Variants in CD93 observed in about 807,000 individuals in gnomAD.
The protein encoded by CD93 is complement component C1q receptor.
A neutral mutation model predicts 45.5 loss-of-function variants in CD93; 44 were observed. That is an observed-to-expected ratio of 0.97 (90% CI 0.76 to 1.24). The LOEUF is 1.24. CD93 is among the 50% of genes most tolerant of loss of function. CD93 has a pLI of 0.00. For synonymous variants in CD93, 431 were observed against 370.8 expected (o/e 1.16, Z -1.87); for missense variants, 918 against 844.5 (o/e 1.09, Z -1.08).
rs1985448836 is a variant in CD93, at chr20:23,085,103, C to G, written c.1090G>C (p.Gly364Arg). ...CCAACCCAGCATTCGCAGCGGAAGC[C>G]CCCAGGGGTGTTGACACACTCCTGG... ...CAQECVNTPGGFRCECWVGYE... is the reference protein window; with the variant it reads ...CAQECVNTPGRFRCECWVGYE... The change falls in exon 1 of 2, where the codon GGC becomes CGC. Residue 364 changes from glycine to arginine, a missense_variant. Coordinates refer to ENST00000246006, the MANE Select transcript of CD93 (RefSeq NM_012072.4). 6.2e-7 allele frequency: 1 copy of G among 1,602,554 alleles called. No homozygotes were observed. The highest frequency in any genetic ancestry group is 8.5e-7 in the Non-Finnish European group (1 of 1,173,590).
In CD93 at chr20:23,083,691, G is replaced by T; in HGVS notation, c.*259C>A. On this transcript the variant is annotated 3_prime_UTR_variant, in exon 2 of 2. Transcript: ENST00000246006. ...ATTGGTCACATTGGAATTTGAAAAG[G>T]GAGGGGGAGTAACAATCATTATAGA... is the stretch of plus-strand genomic sequence containing the variant. The T allele has an allele frequency of 1.8e-6, 1 of 557,654 alleles. No homozygotes were observed. The allele number at this position is 557,654 out of a possible 1,614,324, so 34.5% of individuals were successfully genotyped here.
chr20:23,084,684 T>C lies in CD93; in HGVS notation c.1509A>G (p.Thr503=), dbSNP rs750329928. Residue 503 remains threonine, a synonymous_variant, in exon 1 of 2, where the codon ACA becomes ACG. Coordinates refer to ENST00000246006, the MANE Select transcript of CD93 (RefSeq NM_012072.4). ...TVPRAATASP[T]RGPEGTPKAT... ...CCTTGGGGGTGCCCTCGGGGCCCCT[T>C]GTGGGACTGGCTGTTGCAGCACGGG... is the stretch of plus-strand genomic sequence containing the variant. 6.9e-6 allele frequency: 11 copies of C among 1,585,748 alleles called. No homozygotes were observed.
chr20:23,085,842 C>CCCCCCCCCCCA lies in CD93; in HGVS notation c.350_351insTGGGGGGGGGG (p.Glu121GlyfsTer83). 1 of 1,592,240 alleles carries CCCCCCCCCCCA rather than the reference C, an allele frequency of 6.3e-7. No homozygotes were observed. ...AGTAAGGCGTGTCCTCCCCCCCGCCCACCCAGCTGAAGCCCTTCAGCGGCA... is the reference window on the plus strand; with the variant it reads ...AGTAAGGCGTGTCCTCCCCCCCGCCCCCCCCCCCCCAACCCAGCTGAAGCCCTTCAGCGGCA... On this transcript the variant is annotated frameshift_variant, in exon 1 of 2. Coordinates refer to ENST00000246006, the MANE Select transcript of CD93 (RefSeq NM_012072.4). LOFTEE classifies it high-confidence loss of function.
Position 23,084,810 on chromosome 20 carries a change from G to T in CD93, c.1383C>A (p.Ala461=), listed in dbSNP as rs768565372. 3.3e-5 allele frequency: 54 copies of T among 1,613,338 alleles called. No individual in the cohort carries two copies. The South Asian group carries it at 5.4e-4, about 16-fold the overall frequency. The change falls in exon 1 of 2, where the codon GCC becomes GCA. Residue 461 remains alanine (A), a synonymous_variant. Transcript: ENST00000246006. Reference sequence around the variant, plus strand: ...CCATGGTGCAAGAGACCCCATTTGGGGCCAGCACCCAGCCTGGCAGGCAGC... The same window carrying T: ...CCATGGTGCAAGAGACCCCATTTGGTGCCAGCACCCAGCCTGGCAGGCAGC... ...HCGCLPGWVL[A]PNGVSCTMGP...
Position 23,085,471 on chromosome 20 carries a change from T to A in CD93, c.722A>T (p.Lys241Met). The change falls in exon 1 of 2, where the codon AAG (lysine) becomes ATG (methionine). Residue 241 changes from lysine (K) to methionine (M), a missense_variant. Coordinates refer to ENST00000246006, the MANE Select transcript of CD93 (RefSeq NM_012072.4). The stretch of plus-strand genomic sequence containing the variant: ...GTCGAACACATCGGGGGCCTTCTCC[T>A]TGCACAGGAAATAATGACTCTGAGT... Reference protein sequence around the residue: ...DETQSHYFLCKEKAPDVFDWG... With the variant: ...DETQSHYFLCMEKAPDVFDWG... The A allele has an allele frequency of 6.2e-7, 1 of 1,613,898 alleles. No individual in the cohort carries two copies. Among genetic ancestry groups the A allele is most frequent in the Non-Finnish European group, 8.5e-7 (1 of 1,180,026 alleles).
At position 23,084,270 on chromosome 20, in the gene CD93, C is replaced by A. The variant is rs762840267; in HGVS notation, c.1923G>T (p.Glu641Asp). Residue 641 changes from glutamate to aspartate, a missense_variant, in exon 1 of 2, where the codon GAG becomes GAT. By Grantham distance (45) the Glu-to-Asp change is conservative. Coordinates refer to ENST00000246006, the MANE Select transcript of CD93 (RefSeq NM_012072.4). ...VPERAESRAM[E>D]NQYSPTPGTD... The stretch of plus-strand genomic sequence containing the variant: ...AGGGCCCCCTTTACCTGTACTGGTT[C>A]TCCATGGCCCTGCTCTCAGCTCGCT... The A allele has an allele frequency of 6.2e-7, 1 of 1,613,798 alleles. No individual in the cohort carries two copies. Among genetic ancestry groups the A allele is most frequent in the Non-Finnish European group, 8.5e-7 (1 of 1,179,984 alleles).
rs1568678355 is a variant in CD93 at position 23,085,246 on chromosome 20, GT to G, written c.946del (p.Thr316ArgfsTer272). The stretch of plus-strand genomic sequence containing the variant: ...TTTCCCATGGGGTCCCAGGACGCAC[GT>G]GGCCCCCCCACGACATGGGCTGGAG... ...CSSSPCRGGA[T>X]CVLGPHGKNY... On this transcript the variant is annotated frameshift_variant, in exon 1 of 2. Transcript: ENST00000246006. LOFTEE classifies it high-confidence loss of function. The G allele has an allele frequency of 6.2e-7, 1 of 1,612,472 alleles. No individual in the cohort carries two copies. The highest frequency in any genetic ancestry group is 8.5e-7 in the Non-Finnish European group (1 of 1,179,240).
chr20:23,084,918 G>T lies in CD93; in HGVS notation c.1275C>A (p.Cys425Ter). 1.9e-6 allele frequency: 3 copies of T among 1,613,306 alleles called. No homozygotes were observed. Among genetic ancestry groups the T allele is most frequent in the Non-Finnish European group, 1.7e-6 (2 of 1,179,904 alleles). Residue 425 changes from cysteine (C) to a stop codon, truncating the protein, a stop_gained, in exon 1 of 2, where the codon TGC (cysteine) becomes TGA (stop). Transcript: ENST00000246006. LOFTEE classifies it high-confidence loss of function. ...YVLAGEDGTQ[C>*]QDVDECVGPG... is the part of the protein sequence containing the mutation. Reference sequence around the variant, plus strand: ...GGCCCACACACTCATCCACGTCCTGGCACTGAGTCCCGTCCTCCCCGGCCA... The same window carrying T: ...GGCCCACACACTCATCCACGTCCTGTCACTGAGTCCCGTCCTCCCCGGCCA...
In CD93 at chr20:23,084,498, G is replaced by C. The variant is rs776289516; in HGVS notation, c.1695C>G (p.Asp565Glu). The change falls in exon 1 of 2, where the codon GAC becomes GAG. Residue 565 changes from aspartate (D) to glutamate (E), a missense_variant. Transcript: ENST00000246006. ...ASGPQEPAGG[D>E]SSVATQNNDG... Reference sequence around the variant, plus strand: ...CGTTGTTTTGTGTGGCCACGGAGGAGTCCCCACCTGCAGGCTCCTGGGGGC... The same window carrying C: ...CGTTGTTTTGTGTGGCCACGGAGGACTCCCCACCTGCAGGCTCCTGGGGGC... 1.9e-6 allele frequency: 3 copies of C among 1,614,028 alleles called. No homozygotes were observed. In the East Asian group the frequency reaches 6.7e-5, roughly 36 times the overall value.
Position 23,085,030 on chromosome 20 carries a change from T to C in CD93, c.1163A>G (p.Glu388Gly). Residue 388 changes from glutamate to glycine, a missense_variant, in exon 1 of 2, where the codon GAG becomes GGG. By Grantham distance (98) the Glu-to-Gly change is moderately conservative. Transcript: ENST00000246006. ...PGEGACQDVDECALGRSPCAQ... is the reference protein window; with the variant it reads ...PGEGACQDVDGCALGRSPCAQ... ...GCAAGGCGAGCGACCCAGAGCACAC[T>C]CATCCACATCCTGACAGGCCCCCTC... 8.7e-6 allele frequency: 14 copies of C among 1,613,932 alleles called. No individual in the cohort carries two copies. Among genetic ancestry groups the C allele is most frequent in the Non-Finnish European group, 1.2e-5 (14 of 1,179,978 alleles).
chr20:23,085,780 G>A lies in CD93; in HGVS notation c.413C>T (p.Ser138Phe), dbSNP rs761398749. ...CAGCAGCAGAGACACACAGCGCTTG[G>A]AGATGCACGAGTTCCGGAGCTCCTT... Reference protein sequence around the residue: ...WHKELRNSCISKRCVSLLLDL... With the variant: ...WHKELRNSCIFKRCVSLLLDL... The change falls in exon 1 of 2, where the codon TCC (serine) becomes TTC (phenylalanine). Residue 138 changes from serine (S) to phenylalanine (F), a missense_variant. Transcript: ENST00000246006. The A allele has an allele frequency of 1.9e-6, 3 of 1,611,324 alleles. No individual in the cohort carries two copies. The highest frequency in any genetic ancestry group is 2.5e-6 in the Non-Finnish European group (3 of 1,179,914).
Position 23,083,662 on chromosome 20 carries a change from CGGAATTGGTCACATT to C in CD93, c.*273_*287del. 1 of 511,150 alleles carries C rather than the reference CGGAATTGGTCACATT, an allele frequency of 2.0e-6. No individual in the cohort carries two copies. The highest frequency in any genetic ancestry group is 3.5e-6 in the Non-Finnish European group (1 of 283,602). 31.7% of individuals were successfully genotyped at this position (511,150 alleles called of 1,614,324 possible). On this transcript the variant is annotated 3_prime_UTR_variant, in exon 2 of 2. Transcript: ENST00000246006. ...GCCCCGGCCTCCTCACACCCTGATC[CGGAATTGGTCACATT>C]GGAATTTGAAAAGGGAGGGGGAGTA... is the stretch of plus-strand genomic sequence containing the variant.
rs1424143182 is a variant in CD93, at chr20:23,084,710, G to A, written c.1483C>T (p.Pro495Ser). ...DKGEKEGSTV[P>S]RAATASPTRG... Reference sequence around the variant, plus strand: ...GTGGGACTGGCTGTTGCAGCACGGGGCACGGTGCTCCCTTCTTTCTCTCCT... The same window carrying A: ...GTGGGACTGGCTGTTGCAGCACGGGACACGGTGCTCCCTTCTTTCTCTCCT... The change falls in exon 1 of 2, where the codon CCC becomes TCC. Residue 495 changes from proline to serine, a missense_variant. Coordinates refer to ENST00000246006, the MANE Select transcript of CD93 (RefSeq NM_012072.4). 5.0e-6 allele frequency: 8 copies of A among 1,593,864 alleles called. No individual in the cohort carries two copies. In the Admixed American group the frequency reaches 8.7e-5, roughly 17 times the overall value.
chr20:23,082,770 C>A lies in CD93; in HGVS notation c.*1180G>T, dbSNP rs2122704436. ...AATTTTAAGGAAAAGAGACAGAGAA[C>A]AAAAGTTCCTTAAGCAAACTGCCTG... On this transcript the variant is annotated 3_prime_UTR_variant, in exon 2 of 2. Transcript: ENST00000246006. 6.6e-6 allele frequency: 1 copy of A among 152,546 alleles called. No homozygotes were observed. The highest frequency in any genetic ancestry group is 2.1e-4 in the South Asian group (1 of 4,822). 9.4% of individuals were successfully genotyped at this position (152,546 alleles called of 1,614,324 possible). A position where few individuals can be genotyped will look rare whatever the true frequency, so the allele number is the denominator to read the frequency against.
chr20:23,083,956 G>A lies in CD93; in HGVS notation c.1953C>T (p.Asp651=), dbSNP rs746610808. ...CTCTAGGGCCACCTCACTTTCAGCA[G>A]TCTGTCCCAGGTGTCGGACTATGGG... ...ENQYSPTPGT[D]C is the part of the protein sequence containing the mutation. The change falls in exon 2 of 2, where the codon GAC becomes GAT. Residue 651 remains aspartate, a synonymous_variant. Transcript: ENST00000246006. The A allele has an allele frequency of 2.5e-6, 4 of 1,614,138 alleles. No homozygotes were observed. Among genetic ancestry groups the A allele is most frequent in the South Asian group, 2.2e-5 (2 of 91,088 alleles).
chr20:23,084,647 T>G lies in CD93; in HGVS notation c.1546A>C (p.Thr516Pro), dbSNP rs1229158010. Reference protein sequence around the residue: ...PEGTPKATPTTSRPSLSSDAP... With the variant: ...PEGTPKATPTPSRPSLSSDAP... ...TCAGATGACAGCGAAGGTCTACTTG[T>G]GGTGGGTGTAGCCTTGGGGGTGCCC... Residue 516 changes from threonine (T) to proline (P), a missense_variant, in exon 1 of 2, where the codon ACA becomes CCA. Transcript: ENST00000246006. 1.3e-6 allele frequency: 2 copies of G among 1,598,712 alleles called. No homozygotes were observed. The highest frequency in any genetic ancestry group is 1.7e-5 in the Admixed American group (1 of 58,500).
rs1393479615 is a variant in CD93, at chr20:23,080,262, A to G, written c.*3688T>C. The G allele has an allele frequency of 6.6e-6, 1 of 152,498 alleles. No homozygotes were observed. Among genetic ancestry groups the G allele is most frequent in the Non-Finnish European group, 1.5e-5 (1 of 68,006 alleles). 9.4% of individuals were successfully genotyped at this position (152,498 alleles called of 1,614,324 possible). A position where few individuals can be genotyped will look rare whatever the true frequency, so the allele number is the denominator to read the frequency against. ...TTTTTAATTCAATTTTTTTTTGTCA[A>G]ATCTCATCTCTGTTCTCCTAGTTTT... is the stretch of plus-strand genomic sequence containing the variant. On this transcript the variant is annotated 3_prime_UTR_variant, in exon 2 of 2. Coordinates refer to ENST00000246006, the MANE Select transcript of CD93 (RefSeq NM_012072.4).
rs140540216 is a variant in CD93, at chr20:23,085,241, C to T, written c.952G>A (p.Val318Ile). ...TAGTTTTTCCCATGGGGTCCCAGGA[C>T]GCACGTGGCCCCCCCACGACATGGG... ...SSPCRGGATC[V>I]LGPHGKNYTC... The change falls in exon 1 of 2, where the codon GTC (valine) becomes ATC (isoleucine). Residue 318 changes from valine (V) to isoleucine (I), a missense_variant. By Grantham distance (29) the Val-to-Ile change is conservative (BLOSUM62 3). Coordinates refer to ENST00000246006, the MANE Select transcript of CD93 (RefSeq NM_012072.4). 8.7e-6 allele frequency: 14 copies of T among 1,611,162 alleles called. No individual in the cohort carries two copies. The highest frequency in any genetic ancestry group is 6.7e-5 in the African/African-American group (5 of 74,918).
In CD93 at chr20:23,082,361, T is replaced by C. The variant is rs1189372143; in HGVS notation, c.*1589A>G. ...CAGAAACACCCTTTCTCTGAGGCTTTGGGGCCTTGGAGGGAGACACATTTC... is the reference window on the plus strand; with the variant it reads ...CAGAAACACCCTTTCTCTGAGGCTTCGGGGCCTTGGAGGGAGACACATTTC... On this transcript the variant is annotated 3_prime_UTR_variant, in exon 2 of 2. Transcript: ENST00000246006. The C allele has an allele frequency of 6.6e-6, 1 of 152,194 alleles. No individual in the cohort carries two copies. Among genetic ancestry groups the C allele is most frequent in the Non-Finnish European group, 1.5e-5 (1 of 68,044 alleles). The allele number at this position is 152,194 out of a possible 1,614,324, so 9.4% of individuals were successfully genotyped here.
Sources: gnomAD v4.1 joint callset for allele counts on GRCh38, gnomAD v4.1.1 for gene constraint, MANE v1.5 for transcripts, NCBI Gene and HGNC (gene_info 2026-07-23, HGNC 2026-07-21) for gene names.